RXFP2: variants seen among roughly 807,000 people sequenced by gnomAD.
RXFP2 encodes the protein relaxin family peptide receptor 2, also known as relaxin receptor 2.
Under a neutral mutation model 88.6 loss-of-function variants are expected in RXFP2, and 68 were observed. The ratio of observed to expected loss-of-function variants is 0.77; its 90% CI spans 0.63 to 0.94. The LOEUF (loss-of-function observed/expected upper bound fraction) is 0.94, where lower values mean the gene tolerates loss of function less well. Among genes scored for constraint, RXFP2 ranks in the 40% least tolerant of loss-of-function variants. The pLI is 0.00. For missense variants in RXFP2, 791 were observed against 893.9 expected, an observed-to-expected ratio of 0.88 and a Z score of 1.47; for synonymous variants, 329 against 306.8, an observed-to-expected ratio of 1.07 and a Z score of -0.76.
At position 31,803,088 on chromosome 13, in the gene RXFP2, CACAA is replaced by C. The variant is rs1487207704; in HGVS notation, c.*689_*692del. The stretch of plus-strand genomic sequence containing the variant: ...ATATTTTTCTGAAGGTTGCCCAGGG[CACAA>C]ACAAATTGGACACTTTCACTGCTAA... On this transcript the variant is annotated 3_prime_UTR_variant, in exon 18 of 18. Coordinates refer to ENST00000298386, the MANE Select transcript of RXFP2 (RefSeq NM_130806.5). 8 of 152,242 alleles carry C rather than the reference CACAA, an allele frequency of 5.3e-5. No homozygotes were observed. The highest frequency in any genetic ancestry group is 1.0e-4 in the Non-Finnish European group (7 of 68,108). The allele number at this position is 152,242 out of a possible 1,614,324, so 9.4% of individuals were successfully genotyped here.
chr13:31,745,692 A>G (rs1391145733), intron 1 of RXFP2, among the ~76,000 whole-genome samples: 1 of 152,220 alleles, frequency 6.6e-6, no homozygotes, highest in Non-Finnish European at 1.5e-5. Context: ...TTTCTCTCCT[A>G]CAACCCAAAT....
At chr13:31,785,840 T>C (rs1052745257) in intron 11 of RXFP2, among the ~76,000 whole-genome samples, 3 of 152,192 alleles carry the variant, frequency 2.0e-5, no homozygotes, top group African/African-American at 7.2e-5. Context: ...TCCTATTATA[T>C]TTAATTCTAA....
At chr13:31,775,089 A>AT (rs1872885869) in intron 6 of RXFP2, among the ~76,000 whole-genome samples, 2 of 152,176 alleles carry the variant, frequency 1.3e-5, no homozygotes, top group South Asian at 4.1e-4. Flanking sequence ...ATCCCAAAAC[A>AT]TTTTAGGACC....
intron 17 of RXFP2, among the ~76,000 whole-genome samples, chr13:31,798,424 C>A (rs1352700343): frequency 6.6e-6 from 1 of 152,094 alleles, no homozygotes. Context: ...TACTTGGAAG[C>A]CTTTGCTGGG....
At chr13:31,791,579 C>T (rs570900471) in intron 14 of RXFP2, among the ~76,000 whole-genome samples, 2 of 152,188 alleles carry the variant, frequency 1.3e-5, no homozygotes, top group African/African-American at 2.4e-5. Context: ...CCCAAACTCT[C>T]CTCATCCAAG....
At chr13:31,759,826 G>A (rs1336364707) in intron 2 of RXFP2, among the ~76,000 whole-genome samples, 1 of 152,068 alleles carries the variant, frequency 6.6e-6, no homozygotes, top group Non-Finnish European at 1.5e-5. Flanking sequence ...AGAATCTCCT[G>A]TCCTGCCCCT....
intron 1 of RXFP2, among the ~76,000 whole-genome samples, chr13:31,747,883 T>G (rs1871491505): frequency 6.6e-6 from 1 of 152,202 alleles, no homozygotes; most frequent in South Asian, 2.1e-4. Flanking sequence ...ACTTCTGAGA[T>G]GATCATCAAA....
intron 2 of RXFP2, among the ~76,000 whole-genome samples, chr13:31,759,419 A>AAGAAAGAG (rs1566218526): frequency 1.3e-5 from 2 of 150,672 alleles, no homozygotes; most frequent in African/African-American, 2.5e-5. Flanking sequence ...GAAAGAAAGA[A>AAGAAAGAG]AGAAAGAAAG....
chr13:31,782,068 A>G (rs1354110970), intron 10 of RXFP2, among the ~76,000 whole-genome samples: 1 of 152,116 alleles, frequency 6.6e-6, no homozygotes, highest in African/African-American at 2.4e-5. Context: ...TAGCTGTACA[A>G]TGATTAGCTT....
intron 9 of RXFP2, among the ~76,000 whole-genome samples, chr13:31,778,911 T>C (rs1273722273): frequency 6.6e-6 from 1 of 152,116 alleles, no homozygotes; most frequent in Non-Finnish European, 1.5e-5. Flanking sequence ...AAAATCTTGC[T>C]CCCTTATTCT....
chr13:31,777,638 C>T (rs1163445565), intron 8 of RXFP2, among the ~76,000 whole-genome samples, 191 bp downstream of exon 8: 5 of 152,138 alleles, frequency 3.3e-5, no homozygotes, highest in Admixed American at 3.3e-4. Flanking sequence ...GAAGAGCTGA[C>T]CAGATCATAA....
chr13:31,785,450 A>C (rs536779591), intron 11 of RXFP2, among the ~76,000 whole-genome samples: 1 of 152,050 alleles, frequency 6.6e-6, no homozygotes, highest in Non-Finnish European at 1.5e-5. Flanking sequence ...AAAATCATCA[A>C]GCTTTCTTCA....
At chr13:31,783,450 A>T (rs1229785979) in intron 11 of RXFP2, among the ~76,000 whole-genome samples, 3 of 152,244 alleles carry the variant, frequency 2.0e-5, no homozygotes, top group Non-Finnish European at 4.4e-5. Flanking sequence ...ATGGAAATTA[A>T]TTTCTGAATT....
intron 5 of RXFP2, among the ~76,000 whole-genome samples, chr13:31,767,409 T>G (rs546197639): frequency 6.6e-6 from 1 of 152,288 alleles, no homozygotes; most frequent in African/African-American, 2.4e-5. Flanking sequence ...GAGAGGAAAT[T>G]CTAACCACAT....
chr13:31,744,701 T>A (rs1165810386), intron 1 of RXFP2, among the ~76,000 whole-genome samples: 17 of 118,578 alleles, frequency 1.4e-4, no homozygotes, highest in Admixed American at 3.9e-4. Context: ...TTCTATTCAA[T>A]TGCTAGGTTT....
chr13:31,802,409 T>C lies in RXFP2; in HGVS notation c.*4T>C, dbSNP rs2138477003. ...TATAATGAAACCAGTTTCCTAGCAATCATTTTGGATCACTGGACTTTCAGT... is the reference window on the plus strand; with the variant it reads ...TATAATGAAACCAGTTTCCTAGCAACCATTTTGGATCACTGGACTTTCAGT... On this transcript the variant is annotated 3_prime_UTR_variant, in exon 18 of 18. Transcript: ENST00000298386. 6.2e-7 allele frequency: 1 copy of C among 1,613,578 alleles called. No homozygotes were observed. Among genetic ancestry groups the C allele is most frequent in the Non-Finnish European group, 8.5e-7 (1 of 1,179,940 alleles).
At chr13:31,761,360 A>C (rs1004064928) in intron 2 of RXFP2, among the ~76,000 whole-genome samples, 2 of 152,254 alleles carry the variant, frequency 1.3e-5, no homozygotes, top group Non-Finnish European at 2.9e-5. Context: ...CATATACAGC[A>C]GTATGCACGT....
chr13:31,759,439 A>AAGAAAGAG (rs1872189670), intron 2 of RXFP2, among the ~76,000 whole-genome samples: 4 of 149,444 alleles, frequency 2.7e-5, no homozygotes, highest in Non-Finnish European at 5.9e-5. Flanking sequence ...GAAAGAAAGA[A>AAGAAAGAG]AGAAAGATAC....
At chr13:31,755,769 C>G (rs1180004954) in intron 1 of RXFP2, among the ~76,000 whole-genome samples, 2 of 152,206 alleles carry the variant, frequency 1.3e-5, no homozygotes, top group Non-Finnish European at 2.9e-5. Flanking sequence ...TAGTCACAGA[C>G]TTGACTGGTC....
Sources: allele counts gnomAD v4.1 joint callset (sites outside exome capture counted in the v4.1 genomes callset), GRCh38; gene constraint gnomAD v4.1.1; transcripts MANE v1.5; gene names NCBI Gene and HGNC (gene_info 2026-07-23, HGNC 2026-07-21).